Variants in AQP7B observed in about 807,000 individuals in gnomAD.
The protein encoded by AQP7B is aquaporin 7B.
At chr2:94,594,708 C>G in the AQP7B span, 7 of 1,424,244 alleles carry the variant, frequency 4.9e-6, no homozygotes, top group Non-Finnish European at 6.9e-6. Context: ...AAACTTGAGT[C>G]TCCTTTCTGT....
At chr2:94,592,880 G>A in the AQP7B span, among the ~76,000 whole-genome samples, 2 of 126,764 alleles carry the variant, frequency 1.6e-5, no homozygotes, top group African/African-American at 5.9e-5. Flanking sequence ...CTGGAGTGCA[G>A]TGGTGTGATC....
At chr2:94,593,455 AG>A in the AQP7B span, among the ~76,000 whole-genome samples, 1 of 143,006 alleles carries the variant, frequency 7.0e-6, no homozygotes, top group Non-Finnish European at 1.5e-5. Flanking sequence ...CCACACTTAG[AG>A]GTATCTGTAT....
At chr2:94,596,439 G>C in the AQP7B span, among the ~76,000 whole-genome samples, 2 of 152,224 alleles carry the variant, frequency 1.3e-5, no homozygotes, top group Non-Finnish European at 2.9e-5. Context: ...GAGGAAGGTG[G>C]GGTGACAGAG....
At chr2:94,602,061 G>T in the AQP7B span, among the ~76,000 whole-genome samples, 1 of 148,520 alleles carries the variant, frequency 6.7e-6, no homozygotes, top group Non-Finnish European at 1.5e-5. Flanking sequence ...GTGCAGGGAA[G>T]GGTTCCTGGC....
chr2:94,603,620 C>G, the AQP7B span: 3,949 of 1,321,908 alleles, frequency 3.0e-3, 111 homozygotes, highest in African/African-American at 0.051. Context: ...ACTGAGACGT[C>G]TCTCTGCTGG....
chr2:94,597,937 C>A, the AQP7B span, among the ~76,000 whole-genome samples: 1 of 152,316 alleles, frequency 6.6e-6, no homozygotes, highest in African/African-American at 2.4e-5. Flanking sequence ...AACCTCTATG[C>A]TCTGTACCTT....
the AQP7B span, among the ~76,000 whole-genome samples, chr2:94,595,935 G>A: frequency 1.1e-4 from 17 of 152,220 alleles, no homozygotes; most frequent in African/African-American, 3.6e-4. Flanking sequence ...GGTGGTGGTT[G>A]TCAACACTCT....
the AQP7B span, chr2:94,594,855 G>A: frequency 1.9e-6 from 3 of 1,554,492 alleles, no homozygotes; most frequent in African/African-American, 2.7e-5. Flanking sequence ...CCGAGTTCAT[G>A]AGCACATATG....
the AQP7B span, chr2:94,602,610 T>C: frequency 5.6e-6 from 9 of 1,594,788 alleles, no homozygotes; most frequent in Non-Finnish European, 7.7e-6. Flanking sequence ...GCAGGCCGCA[T>C]CTCTGGTGAG....
chr2:94,598,675 A>G, the AQP7B span, among the ~76,000 whole-genome samples: 13 of 152,230 alleles, frequency 8.5e-5, no homozygotes, highest in African/African-American at 3.1e-4. Flanking sequence ...AGAGACGGAA[A>G]CTTCTGTTCT....
At chr2:94,588,062 C>CTG in the AQP7B span, among the ~76,000 whole-genome samples, 1,024 of 148,514 alleles carry the variant, frequency 6.9e-3, 5 homozygotes, top group South Asian at 9.8e-3. Context: ...TGTTCACCTT[C>CTG]TGTGTGTGTG....
chr2:94,604,606 A>G, the AQP7B span: 2 of 1,526,192 alleles, frequency 1.3e-6, no homozygotes, highest in Non-Finnish European at 1.8e-6. Flanking sequence ...TCCCTTCCCC[A>G]ATAAAGCAAA....
At chr2:94,595,126 G>A in the AQP7B span, among the ~76,000 whole-genome samples, 12 of 152,108 alleles carry the variant, frequency 7.9e-5, no homozygotes, top group Non-Finnish European at 1.6e-4. Context: ...GGGGAGAAGG[G>A]AAACCCAGAG....
chr2:94,602,349 G>C, the AQP7B span: 2 of 792,486 alleles, frequency 2.5e-6, no homozygotes, highest in South Asian at 3.8e-5. Context: ...AGGCTCTGGA[G>C]GAAGAGGGCG....
At chr2:94,597,986 A>AAGTTTTTTTAAAGACTGGC in the AQP7B span, among the ~76,000 whole-genome samples, 1 of 152,072 alleles carries the variant, frequency 6.6e-6, no homozygotes, top group Admixed American at 6.6e-5. Flanking sequence ...TGGCTTGTTA[A>AAGTTTTTTTAAAGACTGGC]TGCTCCCCCA....
chr2:94,593,428 T>G, the AQP7B span, among the ~76,000 whole-genome samples: 1 of 149,470 alleles, frequency 6.7e-6, no homozygotes, highest in African/African-American at 2.5e-5. Flanking sequence ...GACAGTGAGA[T>G]AGCAGAGTGA....
At chr2:94,594,516 G>T in the AQP7B span, among the ~76,000 whole-genome samples, 4 of 152,206 alleles carry the variant, frequency 2.6e-5, no homozygotes, top group African/African-American at 9.6e-5. Flanking sequence ...TACTGGTCTA[G>T]TCCCAACTAG....
the AQP7B span, among the ~76,000 whole-genome samples, chr2:94,587,922 A>G: frequency 2.2e-4 from 33 of 152,048 alleles, no homozygotes; most frequent in Admixed American, 3.9e-4. Flanking sequence ...GGGCTAGATA[A>G]TCAGGAGGAC....
At chr2:94,594,605 C>G in the AQP7B span, 4 of 624,178 alleles carry the variant, frequency 6.4e-6, no homozygotes, top group Non-Finnish European at 1.2e-5. Flanking sequence ...TCCAGCTGTC[C>G]CAGCTGCCCC....
Sources: gnomAD v4.1 joint callset for allele counts (sites outside exome capture counted in the v4.1 genomes callset) on GRCh38, gnomAD v4.1.1 for gene constraint, MANE v1.5 for transcripts, NCBI Gene and HGNC (gene_info 2026-07-23, HGNC 2026-07-21) for gene names.